Variants in MELK observed in about 807,000 individuals in gnomAD.
MELK encodes the protein maternal embryonic leucine zipper kinase.
A neutral mutation model predicts 85.0 loss-of-function variants in MELK; 81 were observed. That is an observed-to-expected ratio of 0.95 (90% CI 0.80 to 1.15). The LOEUF (loss-of-function observed/expected upper bound fraction) is 1.15. Ranked by LOEUF, MELK falls within the 50% of genes most tolerant of loss-of-function variation. MELK has a pLI of 0.00. For synonymous variants in MELK, 252 were observed against 265.0 expected (o/e 0.95, Z 0.48); for missense variants, 754 against 777.5 (o/e 0.97, Z 0.36).
intron 8 of MELK, among the ~76,000 whole-genome samples, chr9:36,616,387 C>CTTTTTTTTTTT (rs60212848): frequency 4.4e-5 from 5 of 114,626 alleles, no homozygotes; most frequent in African/African-American, 1.0e-4. Flanking sequence ...ATGTCAAACT[C>CTTTTTTTTTTT]TTTTTTTTTT....
At chr9:36,629,978 G>A (rs1828365955) in intron 8 of MELK, 2 of 181,120 alleles carry the variant, frequency 1.1e-5, no homozygotes, top group Admixed American at 1.2e-4. Context: ...CTGAGTAGCT[G>A]GGATTACAGG....
intron 8 of MELK, among the ~76,000 whole-genome samples, chr9:36,629,268 T>A (rs1047230380): frequency 3.9e-5 from 6 of 152,238 alleles, no homozygotes; most frequent in Admixed American, 1.3e-4. Flanking sequence ...TATCTTAGCA[T>A]CATTAAACAA....
intron 1 of MELK, among the ~76,000 whole-genome samples, chr9:36,580,832 G>C (rs559767885): frequency 1.3e-5 from 2 of 151,556 alleles, no homozygotes; most frequent in East Asian, 3.9e-4. Context: ...GGGTTCAAGC[G>C]ATTCTCCTGC....
At chr9:36,584,559 T>G (rs1347337299) in intron 3 of MELK, among the ~76,000 whole-genome samples, 3 of 147,154 alleles carry the variant, frequency 2.0e-5, no homozygotes, top group Non-Finnish European at 3.0e-5. Flanking sequence ...GGTCTCGATC[T>G]CCAGACCTCG....
Position 36,581,807 on chromosome 9 carries a change from G to C in MELK, c.58+68G>C, listed in dbSNP as rs1431075374. 3 of 1,319,740 alleles carry C rather than the reference G, an allele frequency of 2.3e-6. No individual in the cohort carries two copies. In the African/African-American group the frequency reaches 4.5e-5, roughly 20 times the overall value. The allele number at this position is 1,319,740 out of a possible 1,614,324, so 81.8% of individuals were successfully genotyped here. A position where few individuals can be genotyped will look rare whatever the true frequency, so the allele number is the denominator to read the frequency against. On this transcript the variant is annotated intron_variant, in intron 2 of 17. Coordinates refer to ENST00000298048, the MANE Select transcript of MELK (RefSeq NM_014791.4). ...TTTGAGAGTATAGATTATTTGGGTAGGTGTGAGCTTTTTCGTCTAACCCAC... is the reference window on the plus strand; with the variant it reads ...TTTGAGAGTATAGATTATTTGGGTACGTGTGAGCTTTTTCGTCTAACCCAC...
At chr9:36,671,228 T>C in intron 16 of MELK, 62 bp downstream of exon 16, 1 of 1,430,034 alleles carries the variant, frequency 7.0e-7, no homozygotes, top group Non-Finnish European at 9.2e-7. Context: ...CTGCCTTTTT[T>C]TTTTAAGGTG....
intron 15 of MELK, among the ~76,000 whole-genome samples, chr9:36,670,290 G>A (rs914113765): frequency 6.6e-6 from 1 of 152,074 alleles, no homozygotes; most frequent in African/African-American, 2.4e-5. Context: ...TTAAATCTCA[G>A]TGTCAGTGCT....
At chr9:36,603,772 G>T (rs1234091123) in intron 7 of MELK, among the ~76,000 whole-genome samples, 1 of 152,014 alleles carries the variant, frequency 6.6e-6, no homozygotes, top group African/African-American at 2.4e-5. Flanking sequence ...GTTTTTTTAT[G>T]ATTTTAGTTA....
chr9:36,604,786 G>T (rs918355184), intron 7 of MELK, among the ~76,000 whole-genome samples: 2 of 151,902 alleles, frequency 1.3e-5, no homozygotes, highest in Admixed American at 1.3e-4. Flanking sequence ...TGGAATTATA[G>T]GCATGTACCA....
chr9:36,617,491 C>G (rs1826955388), intron 8 of MELK, among the ~76,000 whole-genome samples: 1 of 151,994 alleles, frequency 6.6e-6, no homozygotes, highest in African/African-American at 2.4e-5. Context: ...CGCTACCACA[C>G]TTGGCTAATA....
At chr9:36,584,054 G>T (rs1326041526) in intron 3 of MELK, among the ~76,000 whole-genome samples, 1 of 151,816 alleles carries the variant, frequency 6.6e-6, no homozygotes, top group Admixed American at 6.6e-5. Context: ...CGCCCAGGCT[G>T]GAGTACAGTG....
intron 7 of MELK, among the ~76,000 whole-genome samples, chr9:36,601,993 C>A (rs1437258383): frequency 1.3e-5 from 2 of 152,152 alleles, no homozygotes; most frequent in African/African-American, 2.4e-5. Context: ...TAAATTGCTT[C>A]CACCTTTTGG....
At chr9:36,599,576 A>G in intron 7 of MELK, 90 bp downstream of exon 7, 1 of 791,130 alleles carries the variant, frequency 1.3e-6, no homozygotes, top group Non-Finnish European at 2.1e-6. Flanking sequence ...TTGGGGGTAT[A>G]ATGATGAAGT....
intron 8 of MELK, among the ~76,000 whole-genome samples, chr9:36,610,633 G>A (rs1042665744): frequency 6.6e-6 from 1 of 152,194 alleles, no homozygotes; most frequent in African/African-American, 2.4e-5. Context: ...GAACTTTGCT[G>A]GGTAGCACTC....
intron 16 of MELK, among the ~76,000 whole-genome samples, chr9:36,674,555 C>T (rs1383868212): frequency 6.6e-6 from 1 of 152,034 alleles, no homozygotes; most frequent in African/African-American, 2.4e-5. Context: ...GATGGGTGCT[C>T]TTTAATATTT....
chr9:36,669,355 A>T lies in MELK; in HGVS notation c.1454A>T (p.Asn485Ile). ...LKETPIKIPVNSTGTDKLMTG... is the reference protein window; with the variant it reads ...LKETPIKIPVISTGTDKLMTG... ...GAAACTCCAATTAAAATACCAGTAA[A>T]TTCAACAGGAACAGACAAGTTAATG... Residue 485 changes from asparagine (N) to isoleucine (I), a missense_variant, in exon 15 of 18, where the codon AAT (asparagine) becomes ATT (isoleucine). Coordinates refer to ENST00000298048, the MANE Select transcript of MELK (RefSeq NM_014791.4). The T allele has an allele frequency of 6.2e-7, 1 of 1,609,338 alleles. No individual in the cohort carries two copies.
At position 36,640,918 on chromosome 9, in the gene MELK, C is replaced by T. The variant is rs996038080; in HGVS notation, c.835-2079C>T. Among the ~76,000 whole-genome samples the T allele has an allele frequency of 2.0e-5, 3 of 152,206 alleles. No individual in the cohort carries two copies. In the South Asian group the frequency reaches 6.2e-4, roughly 31 times the overall value. On this transcript the variant is annotated intron_variant, in intron 10 of 17. Coordinates refer to ENST00000298048, the MANE Select transcript of MELK (RefSeq NM_014791.4). ...TCTTTACTGTTTCTTTTCATGATGG[C>T]AGCCTTTCTCTTGAGCTTGTTGTTA...
intron 1 of MELK, among the ~76,000 whole-genome samples, chr9:36,573,504 A>T (rs1022929541): frequency 4.6e-5 from 7 of 151,826 alleles, no homozygotes; most frequent in Non-Finnish European, 7.4e-5. Context: ...TAAAAGGGGA[A>T]TTTTTTTTCT....
intron 13 of MELK, among the ~76,000 whole-genome samples, chr9:36,658,846 C>T (rs1349122193): frequency 2.0e-5 from 3 of 151,496 alleles, no homozygotes; most frequent in African/African-American, 7.3e-5. Context: ...GGATTACAGG[C>T]ACCCGCCATC....
Sources: gnomAD v4.1 joint callset for allele counts (sites outside exome capture counted in the v4.1 genomes callset) on GRCh38, gnomAD v4.1.1 for gene constraint, MANE v1.5 for transcripts, NCBI Gene and HGNC (gene_info 2026-07-23, HGNC 2026-07-21) for gene names.